Variants in SRGAP2B observed in about 807,000 individuals in gnomAD.
SRGAP2B encodes SLIT-ROBO Rho GTPase activating protein 2B.
A neutral mutation model predicts 22.2 loss-of-function variants in SRGAP2B; 9 were observed. That is an observed-to-expected ratio of 0.41 (90% CI 0.24 to 0.71). The LOEUF is 0.71. SRGAP2B is among the 30% of genes least tolerant of loss of function. The pLI is 0.35. For synonymous variants in SRGAP2B, 36 were observed against 87.4 expected, an observed-to-expected ratio of 0.41 and a Z score of 3.28; for missense variants, 114 against 235.8, an observed-to-expected ratio of 0.48 and a Z score of 3.38.
chr1:144,996,811 AT>A (rs1215350274), intron 2 of SRGAP2B, among the ~76,000 whole-genome samples: 2 of 126,364 alleles, frequency 1.6e-5, no homozygotes, highest in Non-Finnish European at 3.3e-5. Context: ...GCTCCGGAGG[AT>A]TGTTTCAAGC....
At chr1:144,918,268 T>C (rs1664013079) in intron 4 of SRGAP2B, 1 of 146,982 alleles carries the variant, frequency 6.8e-6, no homozygotes, top group Non-Finnish European at 1.5e-5. Context: ...CATAGTAATC[T>C]TTGCCTGGAA....
intron 2 of SRGAP2B, among the ~76,000 whole-genome samples, chr1:145,044,959 G>C (rs1476495728): frequency 3.3e-5 from 5 of 150,516 alleles, no homozygotes; most frequent in Non-Finnish European, 4.4e-5. Context: ...TTCCTTTGCA[G>C]TCATAATTAG....
intron 4 of SRGAP2B, among the ~76,000 whole-genome samples, chr1:144,926,495 C>T (rs1553346835): frequency 1.5e-5 from 2 of 137,648 alleles, no homozygotes; most frequent in African/African-American, 5.5e-5. Flanking sequence ...TCCCTACCCC[C>T]ACCCAGACAC....
chr1:144,994,941 C>T (rs1263680586), intron 3 of SRGAP2B, 67 bp downstream of exon 3: 1 of 819,044 alleles, frequency 1.2e-6, no homozygotes, highest in Admixed American at 3.3e-5. Flanking sequence ...AGTGGCATAC[C>T]CTGCCCCCCT....
chr1:144,894,024 T>C (rs1257782938), intron 8 of SRGAP2B, among the ~76,000 whole-genome samples: 2 of 145,308 alleles, frequency 1.4e-5, no homozygotes, highest in Non-Finnish European at 3.0e-5. Flanking sequence ...CAGGAACAAG[T>C]TCGTTGCCTA....
chr1:145,081,319 C>T (rs1553634696), intron 2 of SRGAP2B, among the ~76,000 whole-genome samples: 1 of 150,074 alleles, frequency 6.7e-6, no homozygotes. Context: ...TTGATAAACG[C>T]TAACCATCAT....
chr1:145,011,560 C>T (rs1219467601), intron 2 of SRGAP2B, among the ~76,000 whole-genome samples: 1 of 150,132 alleles, frequency 6.7e-6, no homozygotes, highest in Non-Finnish European at 1.5e-5. Context: ...AGCACGTTCC[C>T]TACCCCAGTA....
chr1:144,956,128 T>G (rs1294753235), intron 3 of SRGAP2B, among the ~76,000 whole-genome samples: 1 of 150,558 alleles, frequency 6.6e-6, no homozygotes, highest in Non-Finnish European at 1.5e-5. Context: ...GTCATTTGGT[T>G]TGTCCCTAGG....
exon 4 of SRGAP2B, chr1:144,955,526 G>T: frequency 3.0e-6 from 3 of 1,013,740 alleles, no homozygotes; most frequent in Non-Finnish European, 4.5e-6. Flanking sequence ...GGGTGGTATG[G>T]TCCCTGCTTT....
At chr1:145,001,824 G>A (rs1553619912) in intron 2 of SRGAP2B, among the ~76,000 whole-genome samples, 4 of 150,736 alleles carry the variant, frequency 2.7e-5, no homozygotes, top group Non-Finnish European at 2.9e-5. Flanking sequence ...AGTTCCAGAT[G>A]AGCCTGGGCA....
At chr1:145,032,267 AT>A (rs1348247989) in intron 2 of SRGAP2B, among the ~76,000 whole-genome samples, 2 of 124,692 alleles carry the variant, frequency 1.6e-5, no homozygotes, top group Admixed American at 1.6e-4. Flanking sequence ...ATCTCATCAT[AT>A]TTTAAGCAAT....
In SRGAP2B at chr1:144,937,315, GGAGTCTGGGA is replaced by G. The variant is rs1305928774; in HGVS notation, c.423+18114_423+18123del. 6.9e-5 allele frequency among the ~76,000 whole-genome samples: 10 copies of G among 145,976 alleles called. 1 individual carries two copies. Among genetic ancestry groups the G allele is most frequent in the African/African-American group, 2.6e-4 (10 of 37,818 alleles). On this transcript the variant is annotated intron_variant, in intron 4 of 9. Transcript: ENST00000612199. ...TGTTCAGTTTATAGATGGGCACATG[GGAGTCTGGGA>G]AAGTCAAATTTTTGTGTAGGATTCA...
chr1:144,971,809 G>A (rs1668546931), intron 3 of SRGAP2B, among the ~76,000 whole-genome samples: 1 of 150,960 alleles, frequency 6.6e-6, no homozygotes, highest in African/African-American at 2.5e-5. Flanking sequence ...GTCATTGTCT[G>A]AGTGAGGAAA....
At chr1:145,085,360 C>CA in intron 2 of SRGAP2B, among the ~76,000 whole-genome samples, 1 of 132,052 alleles carries the variant, frequency 7.6e-6, no homozygotes, top group Middle Eastern at 3.6e-3. Context: ...AGAGTAATGG[C>CA]TGAGACACAA....
chr1:144,944,579 T>G (rs1230051846), intron 4 of SRGAP2B, among the ~76,000 whole-genome samples: 4 of 79,480 alleles, frequency 5.0e-5, no homozygotes, highest in Non-Finnish European at 8.3e-5. Context: ...AAAGTGAGTC[T>G]CCATCTCAAA....
chr1:145,009,611 C>T (rs1671900160), intron 2 of SRGAP2B, among the ~76,000 whole-genome samples: 1 of 148,500 alleles, frequency 6.7e-6, no homozygotes, highest in Non-Finnish European at 1.5e-5. Context: ...ACAAAATTGG[C>T]CCTGAGCTGA....
At chr1:144,950,774 A>T (rs1484995767) in intron 4 of SRGAP2B, among the ~76,000 whole-genome samples, 2 of 150,612 alleles carry the variant, frequency 1.3e-5, no homozygotes, top group Non-Finnish European at 1.5e-5. Context: ...CAGTATGTAG[A>T]TGAAAATGTT....
chr1:144,931,280 A>G (rs1665161563), intron 4 of SRGAP2B, among the ~76,000 whole-genome samples: 1 of 149,808 alleles, frequency 6.7e-6, no homozygotes, highest in Admixed American at 6.6e-5. Context: ...AGGTCAAAAA[A>G]TTTGTCCATG....
At chr1:144,991,279 G>T (rs1244522530) in intron 3 of SRGAP2B, among the ~76,000 whole-genome samples, 1 of 148,286 alleles carries the variant, frequency 6.7e-6, no homozygotes, top group Non-Finnish European at 1.5e-5. Context: ...CTCAAGGATT[G>T]TAAATACACC....
Sources: allele counts gnomAD v4.1 joint callset (sites outside exome capture counted in the v4.1 genomes callset), GRCh38; gene constraint gnomAD v4.1.1; transcripts MANE v1.5; gene names NCBI Gene and HGNC (gene_info 2026-07-23, HGNC 2026-07-21).